Variants in GALNT18 observed in about 807,000 individuals in gnomAD.
The protein encoded by GALNT18 is polypeptide N-acetylgalactosaminyltransferase 18.
A neutral mutation model predicts 69.5 loss-of-function variants in GALNT18; 44 were observed. The ratio of observed to expected loss-of-function variants is 0.63; its 90% confidence interval spans 0.50 to 0.81. The LOEUF (loss-of-function observed/expected upper bound fraction) is 0.81, where lower values mean the gene tolerates loss of function less well. Ranked by LOEUF, GALNT18 falls within the 40% of genes least tolerant of loss-of-function variation. The pLI is 0.00. For missense variants in GALNT18, 715 were observed against 810.0 expected, an observed-to-expected ratio of 0.88 and a Z score of 1.42; for synonymous variants, 364 against 318.2, an observed-to-expected ratio of 1.14 and a Z score of -1.53.
At chr11:11,445,177 A>G (rs1216722796) in intron 2 of GALNT18, among the ~76,000 whole-genome samples, 1 of 152,232 alleles carries the variant, frequency 6.6e-6, no homozygotes, top group East Asian at 1.9e-4. Context: ...AGGCAGTGTG[A>G]GGACAGTGGT....
chr11:11,485,830 C>T (rs568560900), intron 1 of GALNT18, among the ~76,000 whole-genome samples: 1 of 152,282 alleles, frequency 6.6e-6, no homozygotes, highest in Non-Finnish European at 1.5e-5. Context: ...AACTGTGGGG[C>T]AGGGAAACCT....
chr11:11,304,276 C>T (rs10831580), intron 9 of GALNT18, among the ~76,000 whole-genome samples: 19,289 of 152,228 alleles, frequency 0.13, 1,631 homozygotes, highest in Admixed American at 0.21. Context: ...TAATAACATT[C>T]ACCCTTTGTC....
In GALNT18 at chr11:11,309,599, G is replaced by T. The variant is rs7108148; in HGVS notation, c.1513-16406C>A. ...ACCTTCTCCACACCTGTTCCCTGGA[G>T]GCTAGCACCACCAGAGAAAATTCAT... On this transcript the variant is annotated intron_variant, in intron 9 of 10. Coordinates refer to ENST00000227756, the MANE Select transcript of GALNT18 (RefSeq NM_198516.3). This position sits in a 1 kb window ranked among gnomAD's most constrained non-coding sequence, Gnocchi z 4.6. Among the ~76,000 whole-genome samples the T allele has an allele frequency of 1, 152,116 of 152,244 alleles. 75,995 individuals are homozygous for T. The highest frequency in any genetic ancestry group is 1 in the Non-Finnish European group (68,034 of 68,034).
At chr11:11,570,876 C>T (rs954068529) in intron 1 of GALNT18, among the ~76,000 whole-genome samples, 2 of 152,190 alleles carry the variant, frequency 1.3e-5, no homozygotes, top group African/African-American at 4.8e-5. Context: ...GAGTTACTCT[C>T]CAAATTATCC....
intron 9 of GALNT18, 102 bp downstream of exon 9, chr11:11,326,984 C>T: frequency 1.2e-6 from 1 of 845,922 alleles, no homozygotes; most frequent in Non-Finnish European, 2.0e-6. Flanking sequence ...GCTGCCATGA[C>T]AGAGCCTAGC....
At chr11:11,431,270 C>T (rs1855256825) in intron 3 of GALNT18, among the ~76,000 whole-genome samples, 2 of 152,190 alleles carry the variant, frequency 1.3e-5, no homozygotes, top group East Asian at 1.9e-4. Context: ...TGAGGAGGAT[C>T]AGCAGGCCTA....
chr11:11,461,592 C>T lies in GALNT18; in HGVS notation c.236-12656G>A, dbSNP rs537487990. Reference sequence around the variant, plus strand: ...CCCGCCCGCCACCGAGCTGACAGCCCGGAGCTGACACCCGGACTTCTAAAT... The same window carrying T: ...CCCGCCCGCCACCGAGCTGACAGCCTGGAGCTGACACCCGGACTTCTAAAT... On this transcript the variant is annotated intron_variant, in intron 1 of 10. Coordinates refer to ENST00000227756, the MANE Select transcript of GALNT18 (RefSeq NM_198516.3). The surrounding 1 kb of genome is among the most constrained non-coding windows in gnomAD (Gnocchi z 4.1). Among the ~76,000 whole-genome samples the T allele has an allele frequency of 2.0e-5, 3 of 152,288 alleles. No homozygotes were observed. The highest frequency in any genetic ancestry group is 1.9e-4 in the East Asian group (1 of 5,188).
In GALNT18 at chr11:11,360,114, T is replaced by C. The variant is rs115265081; in HGVS notation, c.1092+12401A>G. 7.2e-3 allele frequency among the ~76,000 whole-genome samples: 1,099 copies of C among 152,314 alleles called. 14 individuals are homozygous for C. The highest frequency in any genetic ancestry group is 0.025 in the African/African-American group (1,049 of 41,576). ...ACCGTACAACAATGGGTCTGCTTTA[T>C]GGAATAAAGCACCTGCTTCTGTTGC... is the stretch of plus-strand genomic sequence containing the variant. On this transcript the variant is annotated intron_variant, in intron 6 of 10. Transcript: ENST00000227756.
chr11:11,482,105 C>T (rs1468596384), intron 1 of GALNT18, among the ~76,000 whole-genome samples: 1 of 152,206 alleles, frequency 6.6e-6, no homozygotes, highest in Non-Finnish European at 1.5e-5. Context: ...AGGGCTGAGG[C>T]CCATAGCAGG....
At chr11:11,277,236 T>G (rs1405380762) in intron 10 of GALNT18, among the ~76,000 whole-genome samples, 1 of 152,232 alleles carries the variant, frequency 6.6e-6, no homozygotes, top group East Asian at 1.9e-4. Flanking sequence ...TGGCTTAGTC[T>G]TGGGAGGGTG....
intron 1 of GALNT18, among the ~76,000 whole-genome samples, chr11:11,593,303 C>T (rs1859405723): frequency 1.3e-5 from 2 of 152,250 alleles, no homozygotes; most frequent in South Asian, 4.1e-4. Context: ...GCCTGCCTAG[C>T]ATTTCAGTTT....
At chr11:11,370,388 C>A (rs1220958346) in intron 6 of GALNT18, among the ~76,000 whole-genome samples, 1 of 152,140 alleles carries the variant, frequency 6.6e-6, no homozygotes, top group East Asian at 1.9e-4. Flanking sequence ...AATAACCATA[C>A]AAAAGGAGAA....
At chr11:11,440,107 T>C (rs752701419) in intron 2 of GALNT18, among the ~76,000 whole-genome samples, 1 of 152,248 alleles carries the variant, frequency 6.6e-6, no homozygotes, top group Non-Finnish European at 1.5e-5. Context: ...CATCCAACTT[T>C]CATCCAGAGG....
chr11:11,417,922 A>C (rs1589984433), intron 3 of GALNT18, among the ~76,000 whole-genome samples: 4 of 152,250 alleles, frequency 2.6e-5, no homozygotes, highest in Admixed American at 2.6e-4. Flanking sequence ...TCCTTAGGGA[A>C]AAATGAGCTA....
At chr11:11,456,243 A>C (rs747762682) in intron 1 of GALNT18, among the ~76,000 whole-genome samples, 8 of 152,152 alleles carry the variant, frequency 5.3e-5, no homozygotes, top group Non-Finnish European at 8.8e-5. Context: ...AGGTTTAATC[A>C]ATCCCATCAT....
intron 1 of GALNT18, among the ~76,000 whole-genome samples, chr11:11,526,102 C>T (rs1397422430): frequency 6.6e-6 from 1 of 152,040 alleles, no homozygotes; most frequent in Non-Finnish European, 1.5e-5. Flanking sequence ...TTCTCAGGGA[C>T]AGGATGTTGG....
At chr11:11,364,633 C>T (rs1850719319) in intron 6 of GALNT18, among the ~76,000 whole-genome samples, 1 of 152,114 alleles carries the variant, frequency 6.6e-6, no homozygotes, top group Admixed American at 6.5e-5. Context: ...AATCTTGATT[C>T]AAGCAAAGAA....
intron 1 of GALNT18, among the ~76,000 whole-genome samples, chr11:11,549,732 A>C (rs1463219372): frequency 1.3e-5 from 2 of 152,300 alleles, no homozygotes; most frequent in East Asian, 3.9e-4. Context: ...GAACTGTTCT[A>C]GCTACAACCC....
rs1858058876 is a variant in GALNT18, at chr11:11,546,622, G to C, written c.235+74737C>G. ...CGAAGCCTTTCCCAACCCAGATCCA[G>C]CCAACCTACCTAGTGTTATCTACTG... is the stretch of plus-strand genomic sequence containing the variant. On this transcript the variant is annotated intron_variant, in intron 1 of 10. Transcript: ENST00000227756. This position sits in a 1 kb window ranked among gnomAD's most constrained non-coding sequence, Gnocchi z 5.8. 6.6e-6 allele frequency among the ~76,000 whole-genome samples: 1 copy of C among 152,142 alleles called. No homozygotes were observed. The highest frequency in any genetic ancestry group is 6.5e-5 in the Admixed American group (1 of 15,272).
Sources: gnomAD v4.1 joint callset for allele counts (sites outside exome capture counted in the v4.1 genomes callset) on GRCh38, gnomAD v4.1.1 for gene constraint, Gnocchi (gnomAD v3.1) non-coding constraint, MANE v1.5 for transcripts, NCBI Gene and HGNC (gene_info 2026-07-23, HGNC 2026-07-21) for gene names.